RBFOX3: variants seen among roughly 807,000 people sequenced by gnomAD.
RBFOX3 encodes RNA binding fox-1 homolog 3.
A neutral mutation model predicts 48.7 loss-of-function variants in RBFOX3; 17 were observed. The observed-to-expected ratio is 0.35, with a 90% CI of 0.24 to 0.52. The LOEUF (loss-of-function observed/expected upper bound fraction) is 0.52. Ranked by LOEUF, RBFOX3 falls within the 20% of genes least tolerant of loss-of-function variation. The probability of loss-of-function intolerance (pLI) is 0.94; values close to 1 mark genes in which losing one functional copy is unlikely to be tolerated. For synonymous variants in RBFOX3, 212 were observed against 209.5 expected (o/e 1.01, Z -0.10); for missense variants, 382 against 497.5 (o/e 0.77, Z 2.21).
chr17:79,355,411 C>T (rs1005589342), intron 2 of RBFOX3, among the ~76,000 whole-genome samples: 9 of 152,178 alleles, frequency 5.9e-5, no homozygotes, highest in Admixed American at 2.6e-4. Flanking sequence ...TACCCGCCCC[C>T]GTTTCCAATG....
chr17:79,124,691 G>C (rs1163502302), intron 4 of RBFOX3, among the ~76,000 whole-genome samples: 1 of 152,236 alleles, frequency 6.6e-6, no homozygotes, highest in African/African-American at 2.4e-5. Context: ...CTTGTAGGCA[G>C]GGCCAGGGCT....
intron 13 of RBFOX3, 150 bp downstream of exon 13, chr17:79,095,363 C>T (rs1455233593): frequency 2.2e-5 from 14 of 623,254 alleles, no homozygotes; most frequent in South Asian, 1.9e-4. Flanking sequence ...TCAAGGGCCA[C>T]ACTCAGACCT....
chr17:79,190,842 G>A (rs1002032217), intron 4 of RBFOX3, among the ~76,000 whole-genome samples: 2 of 152,330 alleles, frequency 1.3e-5, no homozygotes, highest in South Asian at 2.1e-4. Flanking sequence ...ATAAAGGGAG[G>A]GGGCTGAGTG....
At chr17:79,612,797 CCTCCAA>C (rs1208639384), upstream of RBFOX3, among the ~76,000 whole-genome samples, 1 of 152,196 alleles carries the variant, frequency 6.6e-6, no homozygotes, top group Non-Finnish European at 1.5e-5. Context: ...GCTTTCGTGG[CCTCCAA>C]CTCCCGGCTG....
chr17:79,275,608 G>A (rs2068649943), intron 3 of RBFOX3, among the ~76,000 whole-genome samples: 1 of 152,072 alleles, frequency 6.6e-6, no homozygotes. Flanking sequence ...AGCACAGGGG[G>A]TATCAGGCAG....
chr17:79,288,833 A>C (rs964068491), intron 3 of RBFOX3, among the ~76,000 whole-genome samples: 9 of 151,962 alleles, frequency 5.9e-5, no homozygotes, highest in Non-Finnish European at 5.9e-5. Flanking sequence ...TTCAGAGTTC[A>C]TCAGTGAGGT....
intron 1 of RBFOX3, among the ~76,000 whole-genome samples, chr17:79,556,331 T>C (rs996647724): frequency 7.3e-4 from 110 of 150,286 alleles, no homozygotes; most frequent in Admixed American, 1.9e-3. Flanking sequence ...CGTCAGGACA[T>C]AAGGCAAAAT....
the RBFOX3 span, among the ~76,000 whole-genome samples, chr17:79,660,170 G>C: frequency 4.6e-5 from 7 of 152,112 alleles, no homozygotes; most frequent in African/African-American, 1.7e-4. Flanking sequence ...CTGGGAGACA[G>C]AATGAGATTT....
At chr17:79,589,659 A>T (rs1213898684) in intron 1 of RBFOX3, among the ~76,000 whole-genome samples, 1 of 152,060 alleles carries the variant, frequency 6.6e-6, no homozygotes, top group East Asian at 1.9e-4. Flanking sequence ...CCAGAAATGC[A>T]CGGGGAGGAG....
At chr17:79,278,346 A>C (rs2069419634) in intron 3 of RBFOX3, among the ~76,000 whole-genome samples, 1 of 152,212 alleles carries the variant, frequency 6.6e-6, no homozygotes, top group Non-Finnish European at 1.5e-5. Context: ...CTGGTACCCC[A>C]GAAGAGGGAC....
intron 3 of RBFOX3, among the ~76,000 whole-genome samples, chr17:79,280,161 A>ACACG (rs1567968206): frequency 7.9e-6 from 1 of 126,796 alleles, no homozygotes; most frequent in East Asian, 4.3e-4. Context: ...GCACACACAC[A>ACACG]CGCACACACC....
chr17:79,656,762 G>A, the RBFOX3 span, among the ~76,000 whole-genome samples: 1 of 37,192 alleles, frequency 2.7e-5, no homozygotes, highest in East Asian at 4.9e-4. Context: ...AGGAAGGAAG[G>A]AAGGAAGGAA....
At chr17:79,097,471 CCACCTGGCACCCCCTCCCCGTA>C (rs1315456393) in intron 10 of RBFOX3, 47 bp from the exon 11 acceptor site, 20 of 1,491,000 alleles carry the variant, frequency 1.3e-5, no homozygotes, top group Admixed American at 4.3e-5. Context: ...ACAAGGGGAC[CCACCTGGCACCCCCTCCCCGTA>C]CACCTAGCCC....
At chr17:79,506,451 G>A (rs967244979) in intron 1 of RBFOX3, among the ~76,000 whole-genome samples, 2 of 152,184 alleles carry the variant, frequency 1.3e-5, no homozygotes, top group Admixed American at 6.5e-5. Context: ...CAGAGGCTGC[G>A]CTGGGTGACC....
intron 2 of RBFOX3, among the ~76,000 whole-genome samples, chr17:79,447,554 T>A (rs1011621896): frequency 2.6e-5 from 4 of 152,144 alleles, no homozygotes; most frequent in African/African-American, 9.7e-5. Context: ...CACAGAGAAG[T>A]CAAGAAGTTG....
intron 3 of RBFOX3, among the ~76,000 whole-genome samples, chr17:79,292,597 CACGCACACACACACACACATACAT>C (rs1307455291): frequency 0.045 from 4,977 of 110,864 alleles, 137 homozygotes; most frequent in African/African-American, 0.12. Flanking sequence ...CACACACACA[CACGCACACACACACACACATACAT>C]GCAGACCCAG....
At chr17:79,457,267 T>G (rs1416509271) in intron 2 of RBFOX3, among the ~76,000 whole-genome samples, 4 of 152,006 alleles carry the variant, frequency 2.6e-5, no homozygotes, top group African/African-American at 9.7e-5. Context: ...CGGGTAGCAG[T>G]GGAAAAGGAG....
At chr17:79,404,695 C>A (rs1006025673) in intron 2 of RBFOX3, among the ~76,000 whole-genome samples, 3 of 152,176 alleles carry the variant, frequency 2.0e-5, no homozygotes, top group Admixed American at 2.0e-4. Flanking sequence ...TGGGCCCAGT[C>A]CTGCTCTCAC....
At chr17:79,499,514 G>A (rs962315967) in intron 1 of RBFOX3, among the ~76,000 whole-genome samples, 2 of 152,212 alleles carry the variant, frequency 1.3e-5, no homozygotes, top group African/African-American at 2.4e-5. Context: ...ATGAGAGGGG[G>A]TGAGAAGGCC....
Sources: allele counts gnomAD v4.1 joint callset (sites outside exome capture counted in the v4.1 genomes callset), GRCh38; gene constraint gnomAD v4.1.1; transcripts MANE v1.5; gene names NCBI Gene and HGNC (gene_info 2026-07-23, HGNC 2026-07-21).